The following KLF8 variants were observed in gnomAD, a reference collection of about 807,000 sequenced individuals.
KLF8 encodes the protein KLF transcription factor 8.
A neutral mutation model predicts 18.2 loss-of-function variants in KLF8; 10 were observed. The observed-to-expected ratio is 0.55, with a 90% confidence interval of 0.34 to 0.93. The LOEUF (loss-of-function observed/expected upper bound fraction) is 0.93, where lower values mean the gene tolerates loss of function less well. KLF8 is among the 40% of genes least tolerant of loss of function. The pLI, the probability that KLF8 is intolerant of heterozygous loss-of-function variation, is 0.02. For synonymous variants in KLF8, 109 were observed against 97.3 expected (o/e 1.12, Z -0.71); for missense variants, 264 against 277.9 (o/e 0.95, Z 0.36).
At chrX:56,181,714 A>C in the KLF8 span, among the ~76,000 whole-genome samples, 4 of 110,507 alleles carry the variant, frequency 3.6e-5, no homozygotes, top group Non-Finnish European at 1.9e-5. Flanking sequence ...TTTCCCCTTC[A>C]TTTATGAAGA....
At chrX:56,070,913 G>A in the KLF8 span, among the ~76,000 whole-genome samples, 1 of 112,322 alleles carries the variant, frequency 8.9e-6, no homozygotes, top group Non-Finnish European at 1.9e-5. Context: ...TCCTATTATG[G>A]CACAGACTGT....
At chrX:56,272,366 T>G (rs1231677130) in intron 5 of KLF8, among the ~76,000 whole-genome samples, 1 of 110,950 alleles carries the variant, frequency 9.0e-6, no homozygotes, top group African/African-American at 3.3e-5. Context: ...ATGTGCCACC[T>G]TGCCCAGCTA....
chrX:55,965,629 G>A, the KLF8 span, among the ~76,000 whole-genome samples: 6 of 112,062 alleles, frequency 5.4e-5, no homozygotes, highest in Non-Finnish European at 7.5e-5. Context: ...TCTATAGCTA[G>A]AAAACATCAT....
At chrX:56,253,804 A>T (rs1393373367) in intron 2 of KLF8, among the ~76,000 whole-genome samples, 1 of 72,460 alleles carries the variant, frequency 1.4e-5, no homozygotes, top group African/African-American at 6.0e-5. Flanking sequence ...TCTGTTGCCC[A>T]GGCCGGAGTG....
At chrX:56,089,683 G>A in the KLF8 span, among the ~76,000 whole-genome samples, 1 of 112,310 alleles carries the variant, frequency 8.9e-6, no homozygotes, top group Admixed American at 9.4e-5. Context: ...GGATGCCTGA[G>A]AGTGGAAACT....
chrX:56,276,641 T>C (rs1230387652), intron 5 of KLF8, among the ~76,000 whole-genome samples: 1 of 111,548 alleles, frequency 9.0e-6, no homozygotes, highest in Non-Finnish European at 1.9e-5. Context: ...CCAGTGTATG[T>C]TATTTCTTTC....
the KLF8 span, among the ~76,000 whole-genome samples, chrX:56,124,071 G>A: frequency 9.0e-6 from 1 of 111,618 alleles, no homozygotes; most frequent in Non-Finnish European, 1.9e-5. Flanking sequence ...TTTTATAATA[G>A]TCATTGATTT....
chrX:56,157,507 C>A, the KLF8 span, among the ~76,000 whole-genome samples: 1 of 111,051 alleles, frequency 9.0e-6, no homozygotes, highest in African/African-American at 3.3e-5. Flanking sequence ...GTCCCACCAA[C>A]AATGTAAAAG....
At chrX:56,046,308 T>C in the KLF8 span, among the ~76,000 whole-genome samples, 1 of 111,659 alleles carries the variant, frequency 9.0e-6, no homozygotes, top group East Asian at 2.8e-4. Context: ...TGCAGTTTTC[T>C]TTTTTTGTTA....
the KLF8 span, among the ~76,000 whole-genome samples, chrX:56,051,409 G>C: frequency 9.0e-6 from 1 of 110,658 alleles, no homozygotes; most frequent in African/African-American, 3.3e-5. Context: ...GCTGGTGCCG[G>C]TTGTTCCTTT....
intron 2 of KLF8, among the ~76,000 whole-genome samples, chrX:56,256,382 C>A (rs774679255): frequency 2.7e-4 from 30 of 110,784 alleles, no homozygotes; most frequent in African/African-American, 8.8e-4. Flanking sequence ...TTTAATTCTC[C>A]TCTCATCTTT....
the KLF8 span, among the ~76,000 whole-genome samples, chrX:56,153,197 G>A: frequency 9.1e-6 from 1 of 110,182 alleles, no homozygotes; most frequent in Non-Finnish European, 1.9e-5. Context: ...AAAGAAATTA[G>A]GCTTAAGAGT....
At chrX:56,125,732 T>C in the KLF8 span, among the ~76,000 whole-genome samples, 185 of 112,282 alleles carry the variant, frequency 1.6e-3, no homozygotes, top group Middle Eastern at 9.2e-3. Context: ...ATCTAGTTTA[T>C]GGGGAAGAGT....
chrX:56,078,649 A>T, the KLF8 span, among the ~76,000 whole-genome samples: 1 of 111,930 alleles, frequency 8.9e-6, no homozygotes, highest in Non-Finnish European at 1.9e-5. Context: ...GGATGATGCT[A>T]GCCTCATAAA....
the KLF8 span, among the ~76,000 whole-genome samples, chrX:55,969,183 C>T: frequency 8.9e-6 from 1 of 111,840 alleles, no homozygotes; most frequent in Non-Finnish European, 1.9e-5. Context: ...GGTTCAGTCT[C>T]ATGGATAGGC....
At chrX:56,080,650 T>A in the KLF8 span, among the ~76,000 whole-genome samples, 1 of 110,556 alleles carries the variant, frequency 9.0e-6, no homozygotes, top group Admixed American at 9.7e-5. Flanking sequence ...TCTCGAGGAG[T>A]ATCTTTGTGG....
the KLF8 span, among the ~76,000 whole-genome samples, chrX:56,032,076 CCTGGTTTTGGGT>C: frequency 3.6e-5 from 4 of 111,025 alleles, no homozygotes; most frequent in African/African-American, 6.6e-5. Flanking sequence ...AAGGCCCAGA[CCTGGTTTTGGGT>C]CTGGTTTTGG....
chrX:56,062,991 C>T, the KLF8 span, among the ~76,000 whole-genome samples: 38 of 110,717 alleles, frequency 3.4e-4, no homozygotes, highest in African/African-American at 9.5e-4. Context: ...ACGAAGTTCT[C>T]GTGCTGTGTT....
chrX:56,203,184 T>C, the KLF8 span, among the ~76,000 whole-genome samples: 1 of 112,662 alleles, frequency 8.9e-6, no homozygotes, highest in Non-Finnish European at 1.9e-5. Context: ...TCAATGATGT[T>C]GAGCACCTTT....
Sources: allele counts gnomAD v4.1 joint callset (sites outside exome capture counted in the v4.1 genomes callset), GRCh38; gene constraint gnomAD v4.1.1; transcripts MANE v1.5; gene names NCBI Gene and HGNC (gene_info 2026-07-23, HGNC 2026-07-21).